CAMTA1: variants seen among roughly 807,000 people sequenced by gnomAD.
The protein encoded by CAMTA1 is calmodulin-binding transcription activator 1.
CAMTA1 carries 27 observed loss-of-function variants against 170.9 expected under a neutral mutation model. The observed-to-expected ratio is 0.16, with a 90% CI of 0.12 to 0.22. CAMTA1 has a LOEUF of 0.22. Among genes scored for constraint, CAMTA1 ranks in the 10% least tolerant of loss-of-function variants. CAMTA1 has a pLI of 1.00. For synonymous variants in CAMTA1, 833 were observed against 891.5 expected (o/e 0.93, Z 1.17); for missense variants, 1,619 against 2,217.2 (o/e 0.73, Z 5.42).
intron 11 of CAMTA1, among the ~76,000 whole-genome samples, chr1:7,724,932 TG>T (rs1406530770): frequency 2.6e-5 from 4 of 151,802 alleles, no homozygotes; most frequent in Non-Finnish European, 5.9e-5. Flanking sequence ...AGGTGCAAAG[TG>T]GGAATCATTT....
intron 6 of CAMTA1, among the ~76,000 whole-genome samples, chr1:7,541,851 G>T (rs909846880): frequency 4.0e-5 from 6 of 148,812 alleles, no homozygotes; most frequent in African/African-American, 1.5e-4. Context: ...CTCAGAATGC[G>T]CTGACCACAC....
rs1392099152 is a variant in CAMTA1, at chr1:7,547,509, C to T, written c.510+79608C>T. On this transcript the variant is annotated intron_variant, in intron 6 of 22. Transcript: ENST00000303635. This position sits in a 1 kb window ranked among gnomAD's most constrained non-coding sequence, Gnocchi z 5.7. ...CATATTTTTTTCTTATGATTATTCC[C>T]TAAATAAAACAGTATAAGAAATATT... Among the ~76,000 whole-genome samples the T allele has an allele frequency of 6.6e-6, 1 of 152,046 alleles. No homozygotes were observed. The highest frequency in any genetic ancestry group is 1.5e-5 in the Non-Finnish European group (1 of 68,012).
At chr1:7,147,701 C>A (rs181481756) in intron 4 of CAMTA1, among the ~76,000 whole-genome samples, 3 of 151,464 alleles carry the variant, frequency 2.0e-5, no homozygotes, top group Non-Finnish European at 4.4e-5. Flanking sequence ...TGCACACACA[C>A]AAACTCAAAC....
intron 9 of CAMTA1, among the ~76,000 whole-genome samples, chr1:7,667,646 C>T (rs891022309): frequency 2.6e-5 from 4 of 152,122 alleles, no homozygotes; most frequent in Non-Finnish European, 4.4e-5. Context: ...GGTGTCCTGG[C>T]GAGTGGGACA....
At chr1:7,061,523 C>T (rs991442798) in intron 3 of CAMTA1, among the ~76,000 whole-genome samples, 17 of 141,186 alleles carry the variant, frequency 1.2e-4, no homozygotes, top group East Asian at 6.2e-4. Flanking sequence ...GAGAGGGGCT[C>T]GGTTGAGTAC....
At chr1:7,225,899 G>A (rs954799552) in intron 4 of CAMTA1, among the ~76,000 whole-genome samples, 13 of 152,110 alleles carry the variant, frequency 8.5e-5, no homozygotes, top group African/African-American at 2.7e-4. Context: ...TGCCAGCAGC[G>A]AACCTTTCCG....
chr1:6,858,490 G>GGT (rs1553166708), intron 3 of CAMTA1, among the ~76,000 whole-genome samples: 1 of 146,792 alleles, frequency 6.8e-6, no homozygotes, highest in Admixed American at 6.8e-5. Flanking sequence ...GTGTGTTGGG[G>GGT]GGGGGGTGTT....
At chr1:7,397,501 G>A (rs1046957700) in intron 5 of CAMTA1, among the ~76,000 whole-genome samples, 1 of 151,836 alleles carries the variant, frequency 6.6e-6, no homozygotes, top group African/African-American at 2.4e-5. Flanking sequence ...TCTCTATTTT[G>A]TTTATTCCTG....
chr1:7,557,251 T>G (rs2094891755), intron 6 of CAMTA1, among the ~76,000 whole-genome samples: 2 of 150,424 alleles, frequency 1.3e-5, no homozygotes, highest in Non-Finnish European at 1.5e-5. Context: ...GAGGTTGTAG[T>G]GAGCTGAGAT....
At chr1:7,467,069 T>C (rs2093228635) in intron 5 of CAMTA1, among the ~76,000 whole-genome samples, 3 of 151,996 alleles carry the variant, frequency 2.0e-5, no homozygotes, top group Admixed American at 2.0e-4. Context: ...CCAGCCCCAA[T>C]GACCCCACCC....
intron 3 of CAMTA1, among the ~76,000 whole-genome samples, chr1:6,976,436 G>A (rs1411150146): frequency 6.6e-6 from 1 of 152,166 alleles, no homozygotes; most frequent in Admixed American, 6.5e-5. Context: ...TCAGAGTGTT[G>A]GCAGGCACAG....
chr1:7,644,310 A>G (rs2095788670), intron 7 of CAMTA1, among the ~76,000 whole-genome samples: 1 of 152,204 alleles, frequency 6.6e-6, no homozygotes, highest in Admixed American at 6.5e-5. Context: ...TTCAGATGAA[A>G]AAAAACACAC....
chr1:6,973,282 C>G (rs1404822930), intron 3 of CAMTA1, among the ~76,000 whole-genome samples: 3 of 152,188 alleles, frequency 2.0e-5, no homozygotes, highest in Non-Finnish European at 2.9e-5. Flanking sequence ...CTCCCTATTT[C>G]CTCCCCCATC....
In CAMTA1 at chr1:7,248,276, G is replaced by A. The variant is rs1197491653; in HGVS notation, c.303-1215G>A. Among the ~76,000 whole-genome samples the A allele has an allele frequency of 1.3e-5, 2 of 152,188 alleles. No homozygotes were observed. Among genetic ancestry groups the A allele is most frequent in the Non-Finnish European group, 2.9e-5 (2 of 68,036 alleles). On this transcript the variant is annotated intron_variant, in intron 4 of 22. Coordinates refer to ENST00000303635, the MANE Select transcript of CAMTA1 (RefSeq NM_015215.4). The surrounding 1 kb of genome is among the most constrained non-coding windows in gnomAD (Gnocchi z 4.0). ...CTGGAGGGTCTTGCCCCAGCCCTGC[G>A]GGGGACAGATGGCTGACTTATGGTT...
chr1:7,648,383 C>G (rs2095823923), intron 7 of CAMTA1, among the ~76,000 whole-genome samples: 1 of 149,320 alleles, frequency 6.7e-6, no homozygotes, highest in South Asian at 2.1e-4. Flanking sequence ...CAGAGTGAGA[C>G]TCCACCTCAA....
At chr1:7,142,290 C>T (rs1198206778) in intron 4 of CAMTA1, among the ~76,000 whole-genome samples, 28 of 152,204 alleles carry the variant, frequency 1.8e-4, no homozygotes, top group Admixed American at 1.8e-3. Flanking sequence ...CAGTACCATT[C>T]ACTCCCTGTA....
chr1:7,187,797 G>A (rs1166798913), intron 4 of CAMTA1, among the ~76,000 whole-genome samples: 2 of 152,102 alleles, frequency 1.3e-5, no homozygotes, highest in Admixed American at 6.6e-5. Context: ...CTGGCTTGAG[G>A]CCAGGGTCTG....
chr1:7,306,932 A>G (rs1675684120), intron 5 of CAMTA1, among the ~76,000 whole-genome samples: 1 of 151,992 alleles, frequency 6.6e-6, no homozygotes, highest in African/African-American at 2.4e-5. Context: ...AGGTATTATA[A>G]GCAATCTAGA....
At chr1:7,052,599 C>T (rs938875544) in intron 3 of CAMTA1, among the ~76,000 whole-genome samples, 1 of 152,168 alleles carries the variant, frequency 6.6e-6, no homozygotes, top group Admixed American at 6.5e-5. Flanking sequence ...CCTTCTGCAT[C>T]GGGCCCCTTT....
Sources: gnomAD v4.1 joint callset for allele counts (sites outside exome capture counted in the v4.1 genomes callset) on GRCh38, gnomAD v4.1.1 for gene constraint, Gnocchi (gnomAD v3.1) non-coding constraint, MANE v1.5 for transcripts, NCBI Gene and HGNC (gene_info 2026-07-23, HGNC 2026-07-21) for gene names.